Variants in CATSPERG observed in about 807,000 individuals in gnomAD.
The protein encoded by CATSPERG is cation channel sperm-associated auxiliary subunit gamma.
CATSPERG carries 115 observed loss-of-function variants against 145.0 expected under a neutral mutation model. That is an observed-to-expected ratio of 0.79 (90% CI 0.68 to 0.93). The LOEUF (loss-of-function observed/expected upper bound fraction) is 0.93. Ranked by LOEUF, CATSPERG falls within the 40% of genes least tolerant of loss-of-function variation. CATSPERG has a pLI of 0.00. For missense variants in CATSPERG, 1,296 were observed against 1,490.1 expected, an observed-to-expected ratio of 0.87 and a Z score of 2.14; for synonymous variants, 588 against 589.0, an observed-to-expected ratio of 1.00 and a Z score of 0.02.
chr19:38,370,420 T>G, intron 28 of CATSPERG, 106 bp from the exon 29 acceptor site: 10 of 1,501,118 alleles, frequency 6.7e-6, no homozygotes, highest in Non-Finnish European at 9.2e-6. Context: ...CATTTCCTCC[T>G]GCTGTCATGC....
chr19:38,362,882 T>TG (rs1970378306), intron 20 of CATSPERG, 50 bp downstream of exon 20: 5 of 1,244,904 alleles, frequency 4.0e-6, no homozygotes, highest in Non-Finnish European at 5.7e-6. Flanking sequence ...TTTTTTTTTT[T>TG]TTTTTTTTTT....
At chr19:38,358,601 G>A (rs763967664) in intron 13 of CATSPERG, 40 bp downstream of exon 13, 1 of 1,613,152 alleles carries the variant, frequency 6.2e-7, no homozygotes, top group Non-Finnish European at 8.5e-7. Context: ...GGCATACTCT[G>A]TCTCCCCAGC....
intron 8 of CATSPERG, among the ~76,000 whole-genome samples, chr19:38,354,425 A>G (rs371864166): frequency 6.6e-6 from 1 of 152,172 alleles, no homozygotes; most frequent in East Asian, 1.9e-4. Context: ...GCAAGCTGAT[A>G]TTGCCTCTGA....
chr19:38,341,102 A>G (rs1663563547), intron 3 of CATSPERG, among the ~76,000 whole-genome samples: 1 of 152,082 alleles, frequency 6.6e-6, no homozygotes, highest in Non-Finnish European at 1.5e-5. Context: ...GCTGGAGCAG[A>G]GTGAGTGAGA....
chr19:38,338,375 C>T (rs1209083033), intron 3 of CATSPERG, among the ~76,000 whole-genome samples: 1 of 151,704 alleles, frequency 6.6e-6, no homozygotes, highest in Admixed American at 6.6e-5. Flanking sequence ...GTCTCGATCT[C>T]CTGACCTCGT....
chr19:38,356,883 G>C (rs763363222), intron 11 of CATSPERG, 22 bp downstream of exon 11: 5 of 1,612,912 alleles, frequency 3.1e-6, no homozygotes, highest in Non-Finnish European at 4.2e-6. Flanking sequence ...GATGCAAGGG[G>C]CTGGGCACAA....
At position 38,370,049 on chromosome 19, in the gene CATSPERG, T is replaced by A; in HGVS notation, c.3098T>A (p.Val1033Glu). 6.2e-7 allele frequency: 1 copy of A among 1,614,188 alleles called. No homozygotes were observed. The highest frequency in any genetic ancestry group is 8.5e-7 in the Non-Finnish European group (1 of 1,180,024). Reference sequence around the variant, plus strand: ...TTTGCCCCTGAATTCTTCTTCAAGGTGTTGGTGAGCAATAGGTGAGCCAGG... The same window carrying A: ...TTTGCCCCTGAATTCTTCTTCAAGGAGTTGGTGAGCAATAGGTGAGCCAGG... ...GIFAPEFFFK[V>E]LVSNRGVDTS... The change falls in exon 27 of 29, where the codon GTG (valine) becomes GAG (glutamate). Residue 1033 changes from valine (V) to glutamate (E), a missense_variant. Physicochemically the swap from Val to Glu is moderately radical, Grantham distance 121 (BLOSUM62 -2). Transcript: ENST00000409235.
chr19:38,360,980 T>G, intron 16 of CATSPERG, 137 bp downstream of exon 16: 1 of 729,308 alleles, frequency 1.4e-6, no homozygotes, highest in Non-Finnish European at 2.3e-6. Context: ...GTTCAGCACT[T>G]ATGGAAGCTC....
chr19:38,367,871 T>G lies in CATSPERG; in HGVS notation c.2930+95T>G, dbSNP rs1392002394. 26 of 1,276,498 alleles carry G rather than the reference T, an allele frequency of 2.0e-5. 2 individuals are homozygous for G. The South Asian group carries it at 3.1e-4, about 15-fold the overall frequency. 79.1% of individuals were successfully genotyped at this position (1,276,498 alleles called of 1,614,324 possible). The stretch of plus-strand genomic sequence containing the variant: ...AGCCCACCTCGCAAGCCCCCACCTC[T>G]GCGTCTCAGGCCCTGCCCACAGTGG... On this transcript the variant is annotated intron_variant, in intron 25 of 28. Coordinates refer to ENST00000409235, the MANE Select transcript of CATSPERG (RefSeq NM_021185.5).
chr19:38,352,595 CTTTTTTTTT>C (rs576701757), intron 8 of CATSPERG, 163 bp downstream of exon 8: 35 of 314,556 alleles, frequency 1.1e-4, no homozygotes, highest in Middle Eastern at 9.7e-4. Context: ...TTGCCTTGCC[CTTTTTTTTT>C]TTTTTTTTTT....
Position 38,358,578 on chromosome 19 carries a change from C to A in CATSPERG, c.1496+17C>A. The stretch of plus-strand genomic sequence containing the variant: ...CCTGCAGAGGTGGGCCTCTACCACC[C>A]CTGGGTGGGCCAGGCATACTCTGTC... On this transcript the variant is annotated intron_variant, in intron 13 of 28. Coordinates refer to ENST00000409235, the MANE Select transcript of CATSPERG (RefSeq NM_021185.5). The A allele has an allele frequency of 6.2e-7, 1 of 1,613,910 alleles. No homozygotes were observed. Among genetic ancestry groups the A allele is most frequent in the Non-Finnish European group, 8.5e-7 (1 of 1,179,892 alleles).
intron 20 of CATSPERG, among the ~76,000 whole-genome samples, chr19:38,363,837 A>G (rs1970396870): frequency 6.6e-6 from 1 of 152,276 alleles, no homozygotes; most frequent in Non-Finnish European, 1.5e-5. Context: ...AGTACAAAAC[A>G]AAATGAAAAG....
At chr19:38,364,066 C>G (rs906778887) in intron 20 of CATSPERG, among the ~76,000 whole-genome samples, 1 of 151,950 alleles carries the variant, frequency 6.6e-6, no homozygotes, top group Admixed American at 6.5e-5. Flanking sequence ...CCTCACCTCC[C>G]GGACGGGGCA....
intron 3 of CATSPERG, among the ~76,000 whole-genome samples, chr19:38,338,143 A>G (rs1969875181): frequency 6.9e-6 from 1 of 144,684 alleles, no homozygotes; most frequent in East Asian, 2.1e-4. Context: ...TTTTTGTTCC[A>G]TGTTTTTTTT....
At position 38,368,982 on chromosome 19, in the gene CATSPERG, C is replaced by T. The variant is rs538603827; in HGVS notation, c.3020+845C>T. ...CCGGTTAATTTTTGTATTTTTTTTT[C>T]TAGTAGAGACGGGGTTTCACCATGT... On this transcript the variant is annotated intron_variant, in intron 26 of 28. Transcript: ENST00000409235. 5.3e-5 allele frequency among the ~76,000 whole-genome samples: 8 copies of T among 151,240 alleles called. No homozygotes were observed. The South Asian group carries it at 1.7e-3, about 31-fold the overall frequency.
At chr19:38,336,784 G>C (rs1017242508) in intron 1 of CATSPERG, among the ~76,000 whole-genome samples, 2 of 152,310 alleles carry the variant, frequency 1.3e-5, no homozygotes, top group South Asian at 4.1e-4. Flanking sequence ...GTGGAATACA[G>C]GGAGGGGGCG....
In CATSPERG at chr19:38,344,217, G is replaced by GGGAGA. The variant is rs1345276820; in HGVS notation, c.597-71_597-67dup. On this transcript the variant is annotated intron_variant, in intron 5 of 28. Coordinates refer to ENST00000409235, the MANE Select transcript of CATSPERG (RefSeq NM_021185.5). ...AGTGGGAGATCCAAGGGAGAGAATG[G>GGGAGA]GGAGAGGAGAGGCAGCTACGAGCTG... 16 of 1,540,242 alleles carry GGGAGA rather than the reference G, an allele frequency of 1.0e-5. No individual in the cohort carries two copies. The South Asian group carries it at 1.9e-4, about 18-fold the overall frequency.
intron 6 of CATSPERG, among the ~76,000 whole-genome samples, chr19:38,345,472 C>T (rs1360624862): frequency 1.3e-5 from 2 of 151,332 alleles, no homozygotes; most frequent in Non-Finnish European, 2.9e-5. Context: ...GGATTACAGG[C>T]GTGAGCCACT....
intron 7 of CATSPERG, among the ~76,000 whole-genome samples, chr19:38,351,799 C>T (rs1016019799): frequency 1.3e-5 from 2 of 152,046 alleles, no homozygotes; most frequent in Non-Finnish European, 2.9e-5. Context: ...CTCTTGCCAG[C>T]TACTCGGGAG....
Sources: gnomAD v4.1 joint callset for allele counts (sites outside exome capture counted in the v4.1 genomes callset) on GRCh38, gnomAD v4.1.1 for gene constraint, MANE v1.5 for transcripts, NCBI Gene and HGNC (gene_info 2026-07-23, HGNC 2026-07-21) for gene names.